TK2: variants seen among roughly 807,000 people sequenced by gnomAD.
The protein encoded by TK2 is thymidine kinase 2, mitochondrial.
Under a neutral mutation model 41.9 loss-of-function variants are expected in TK2, and 35 were observed. The ratio of observed to expected loss-of-function variants is 0.84; its 90% CI spans 0.64 to 1.11. The LOEUF (loss-of-function observed/expected upper bound fraction) is 1.11, where lower values mean the gene tolerates loss of function less well. Ranked by LOEUF, TK2 falls within the 50% of genes least tolerant of loss-of-function variation. The pLI, the probability that TK2 is intolerant of heterozygous loss-of-function variation, is 0.00. For synonymous variants in TK2, 128 were observed against 129.1 expected, an observed-to-expected ratio of 0.99 and a Z score of 0.06; for missense variants, 320 against 351.1, an observed-to-expected ratio of 0.91 and a Z score of 0.71.
At chr16:66,527,726 T>C (rs924434715) in intron 6 of TK2, among the ~76,000 whole-genome samples, 1 of 152,110 alleles carries the variant, frequency 6.6e-6, no homozygotes, top group Non-Finnish European at 1.5e-5. Context: ...TAACAGAAAG[T>C]AGTCCTTAAG....
At position 66,521,335 on chromosome 16, in the gene TK2, G is replaced by A. The variant is rs549731557; in HGVS notation, c.450-3458C>T. Among the ~76,000 whole-genome samples the A allele has an allele frequency of 7.2e-5, 11 of 152,250 alleles. No individual in the cohort carries two copies. The East Asian group carries it at 1.5e-3, about 21-fold the overall frequency. The stretch of plus-strand genomic sequence containing the variant: ...CCCTGCCACAGCTCCCCTGGGAATC[G>A]GCTCCAGGTAGTCACAGGGGCCTCC... On this transcript the variant is annotated intron_variant, in intron 6 of 9. Transcript: ENST00000544898.
At chr16:66,527,089 C>A (rs767825681) in intron 6 of TK2, among the ~76,000 whole-genome samples, 10 of 152,208 alleles carry the variant, frequency 6.6e-5, no homozygotes, top group Non-Finnish European at 1.5e-4. Flanking sequence ...GGAGCAGGAG[C>A]TGAGGACCGC....
intron 1 of TK2, chr16:66,549,335 G>T (rs1346729702): frequency 1.7e-6 from 2 of 1,162,752 alleles, no homozygotes; most frequent in Non-Finnish European, 2.1e-6. Context: ...GCCTCCACTC[G>T]CGGTGCACGG....
intron 6 of TK2, among the ~76,000 whole-genome samples, chr16:66,521,342 G>A (rs1964774159): frequency 6.6e-6 from 1 of 152,206 alleles, no homozygotes; most frequent in South Asian, 2.1e-4. Context: ...ATCGGCTCCA[G>A]GTAGTCACAG....
In TK2 at chr16:66,508,925, G is replaced by C. The variant is rs1964369046; in HGVS notation, c.*3043C>G. On this transcript the variant is annotated 3_prime_UTR_variant, in exon 10 of 10. Transcript: ENST00000544898. ...TTCATTCCTCACAGAGTTAGGCCTT[G>C]CAAGGGACATTACGGTACGGGATGG... 6.6e-6 allele frequency: 1 copy of C among 152,266 alleles called. No homozygotes were observed. The highest frequency in any genetic ancestry group is 2.4e-5 in the African/African-American group (1 of 41,456). 9.4% of individuals were successfully genotyped at this position (152,266 alleles called of 1,614,324 possible).
In TK2 at chr16:66,509,627, A is replaced by T. The variant is rs574695191; in HGVS notation, c.*2341T>A. 6.6e-6 allele frequency: 1 copy of T among 152,394 alleles called. No homozygotes were observed. The highest frequency in any genetic ancestry group is 1.9e-4 in the East Asian group (1 of 5,188). 9.4% of individuals were successfully genotyped at this position (152,394 alleles called of 1,614,324 possible). ...CCCATGGAACTCCAGTCTCACAGCA[A>T]GGATGAGGTGAGCCCAACATATCTG... On this transcript the variant is annotated 3_prime_UTR_variant, in exon 10 of 10. Coordinates refer to ENST00000544898, the MANE Select transcript of TK2 (RefSeq NM_004614.5).
Position 66,510,600 on chromosome 16 carries a change from G to C in TK2, c.*1368C>G, listed in dbSNP as rs553354465. ...CCCACACTCACAGGGGCCTGGGAGC[G>C]GCCTTGCTACCTCTATTTACAGCCA... On this transcript the variant is annotated 3_prime_UTR_variant, in exon 10 of 10. Coordinates refer to ENST00000544898, the MANE Select transcript of TK2 (RefSeq NM_004614.5). The C allele has an allele frequency of 6.6e-6, 1 of 152,398 alleles. No homozygotes were observed. Among genetic ancestry groups the C allele is most frequent in the South Asian group, 2.1e-4 (1 of 4,828 alleles). 9.4% of individuals were successfully genotyped at this position (152,398 alleles called of 1,614,324 possible). A position where few individuals can be genotyped will look rare whatever the true frequency, so the allele number is the denominator to read the frequency against.
chr16:66,526,269 T>C (rs533470633), intron 6 of TK2, among the ~76,000 whole-genome samples: 1 of 152,290 alleles, frequency 6.6e-6, no homozygotes, highest in Non-Finnish European at 1.5e-5. Context: ...CCAAAGGCTC[T>C]TCAGAGATGG....
chr16:66,518,737 T>G (rs997717704), intron 6 of TK2, among the ~76,000 whole-genome samples: 6 of 152,210 alleles, frequency 3.9e-5, no homozygotes, highest in Non-Finnish European at 8.8e-5. Flanking sequence ...TAAAACTGTG[T>G]ATATCCCAAC....
intron 5 of TK2, among the ~76,000 whole-genome samples, chr16:66,529,787 C>A (rs1597092684): frequency 2.6e-5 from 4 of 152,160 alleles, no homozygotes; most frequent in Admixed American, 2.0e-4. Context: ...AAGCCATAAC[C>A]CAGGCACTTC....
At chr16:66,546,503 A>C (rs1475612034) in intron 2 of TK2, 2 of 152,066 alleles carry the variant, frequency 1.3e-5, no homozygotes, top group Non-Finnish European at 2.9e-5. Flanking sequence ...CTATCTCTTA[A>C]CTAGACTGAG....
rs1436260193 is a variant in TK2, at chr16:66,542,966, G to A, written c.157-1013C>T. On this transcript the variant is annotated intron_variant, in intron 2 of 9. Transcript: ENST00000544898. ...CAGCTCACTGCAACCTCCACCTCCT[G>A]GGTTCAAGCCATTCTCCTGCCTCAG... Among the ~76,000 whole-genome samples the A allele has an allele frequency of 4.6e-5, 7 of 152,074 alleles. No individual in the cohort carries two copies. The South Asian group carries it at 8.3e-4, about 18-fold the overall frequency.
intron 6 of TK2, 198 bp from the exon 7 acceptor site, chr16:66,518,075 T>C (rs975786821): frequency 1.6e-6 from 1 of 633,974 alleles, no homozygotes; most frequent in Non-Finnish European, 2.9e-6. Flanking sequence ...GGGAGCGGCT[T>C]ATGGCACAAT....
chr16:66,513,510 CACTGGCACAG>C (rs534722045), intron 9 of TK2, among the ~76,000 whole-genome samples: 64 of 152,182 alleles, frequency 4.2e-4, no homozygotes, highest in Non-Finnish European at 9.1e-4. Flanking sequence ...GGTGTGATGG[CACTGGCACAG>C]ACTGCCTTCC....
chr16:66,527,178 G>A (rs987744928), intron 6 of TK2, among the ~76,000 whole-genome samples: 1 of 152,224 alleles, frequency 6.6e-6, no homozygotes, highest in African/African-American at 2.4e-5. Flanking sequence ...GGTCAGGAAT[G>A]CCACCTGCTC....
chr16:66,515,085 TCTGCTGAC>T (rs1355476155), intron 8 of TK2, among the ~76,000 whole-genome samples: 1 of 151,788 alleles, frequency 6.6e-6, no homozygotes, highest in African/African-American at 2.4e-5. Context: ...CACATGTTTA[TCTGCTGAC>T]CTTCCCTCCA....
At chr16:66,528,527 C>T (rs965222042) in intron 6 of TK2, among the ~76,000 whole-genome samples, 6 of 152,190 alleles carry the variant, frequency 3.9e-5, no homozygotes, top group Non-Finnish European at 5.9e-5. Context: ...CTCATGTGAC[C>T]ATGTGATCTG....
Position 66,517,214 on chromosome 16 carries a change from A to T in TK2, c.540T>A (p.Val180=). The T allele has an allele frequency of 2.5e-6, 4 of 1,613,960 alleles. No individual in the cohort carries two copies. The highest frequency in any genetic ancestry group is 4.5e-5 in the East Asian group (2 of 44,880). The change falls in exon 8 of 10, where the codon GTT becomes GTA. Residue 180 remains valine, a splice_region_variant and synonymous_variant. Coordinates refer to ENST00000544898, the MANE Select transcript of TK2 (RefSeq NM_004614.5). The surrounding 1 kb of genome is among the most constrained non-coding windows in gnomAD (Gnocchi z 4.3). The part of the protein sequence containing the change: ...RNMDVSVDLI[V]YLRTNPETCY... ...AAGTCTCAGGATTGGTCCGAAGGTAAACTGAGGTTAAAAGAATACGTGGCT... is the reference window on the plus strand; with the variant it reads ...AAGTCTCAGGATTGGTCCGAAGGTATACTGAGGTTAAAAGAATACGTGGCT...
Position 66,517,405 on chromosome 16 carries a change from C to G in TK2, c.539-190G>C, listed in dbSNP as rs1446258533. On this transcript the variant is annotated intron_variant, in intron 7 of 9. Transcript: ENST00000544898. The surrounding 1 kb of genome is among the most constrained non-coding windows in gnomAD (Gnocchi z 4.3). ...TTCAGTGTCAGCGGCCCCGTGGGGT[C>G]GTTTTGAGGCTGAATGGGATTCTGT... 1.5e-6 allele frequency: 1 copy of G among 667,916 alleles called. No homozygotes were observed. Among genetic ancestry groups the G allele is most frequent in the African/African-American group, 1.8e-5 (1 of 55,968 alleles). The allele number at this position is 667,916 out of a possible 1,614,324, so 41.4% of individuals were successfully genotyped here.
Sources: gnomAD v4.1 joint callset for allele counts (sites outside exome capture counted in the v4.1 genomes callset) on GRCh38, gnomAD v4.1.1 for gene constraint, Gnocchi (gnomAD v3.1) non-coding constraint, MANE v1.5 for transcripts, NCBI Gene and HGNC (gene_info 2026-07-23, HGNC 2026-07-21) for gene names.